MCUB: variants seen among roughly 807,000 people sequenced by gnomAD.
MCUB encodes the protein calcium uniporter regulatory subunit MCUb, mitochondrial.
In MCUB, 46 loss-of-function variants were observed where a neutral mutation model predicts 41.4. The observed-to-expected ratio is 1.11, with a 90% CI of 0.88 to 1.42. The LOEUF is 1.42. Ranked by LOEUF, MCUB falls within the 40% of genes most tolerant of loss-of-function variation. The pLI, the probability that MCUB is intolerant of heterozygous loss-of-function variation, is 0.00. For missense variants in MCUB, 403 were observed against 404.9 expected, an observed-to-expected ratio of 1.00 and a Z score of 0.04; for synonymous variants, 148 against 148.2, an observed-to-expected ratio of 1.00 and a Z score of 0.01.
chr4:109,609,995 T>C (rs1454860272), intron 1 of MCUB, among the ~76,000 whole-genome samples: 3 of 152,114 alleles, frequency 2.0e-5, no homozygotes. Flanking sequence ...CAAGACAAAG[T>C]TCCTCCTAAT....
intron 1 of MCUB, among the ~76,000 whole-genome samples, chr4:109,562,727 A>G (rs1043735492): frequency 2.6e-5 from 4 of 152,238 alleles, no homozygotes; most frequent in East Asian, 1.9e-4. Context: ...CAGTATTTCA[A>G]ATAAGCGTTC....
At chr4:109,603,345 C>A (rs1474583001) in intron 1 of MCUB, among the ~76,000 whole-genome samples, 1 of 152,228 alleles carries the variant, frequency 6.6e-6, no homozygotes, top group African/African-American at 2.4e-5. Context: ...GATCTGCCTG[C>A]CTCGGCCTCC....
rs758512386 is a variant in MCUB, at chr4:109,685,362, G to C, written c.928G>C (p.Ala310Pro). The change falls in exon 7 of 8, where the codon GCT becomes CCT. Residue 310 changes from alanine to proline, a missense_variant. Ala to Pro is a conservative substitution (Grantham distance 27). Coordinates refer to ENST00000394650, the MANE Select transcript of MCUB (RefSeq NM_017918.5). ...QQYNKLKEDLAKAKESLKQAR... is the reference protein window; with the variant it reads ...QQYNKLKEDLPKAKESLKQAR... The stretch of plus-strand genomic sequence containing the variant: ...ATACAACAAGTTAAAAGAAGACCTT[G>C]CTAAGGTATACTACAAATACATCTT... 3.6e-6 allele frequency: 5 copies of C among 1,397,550 alleles called. No individual in the cohort carries two copies. Among genetic ancestry groups the C allele is most frequent in the African/African-American group, 2.8e-5 (2 of 70,536 alleles). The allele number at this position is 1,397,550 out of a possible 1,614,324, so 86.6% of individuals were successfully genotyped here. A position where few individuals can be genotyped will look rare whatever the true frequency, so the allele number is the denominator to read the frequency against.
chr4:109,603,290 T>C (rs1249603997), intron 1 of MCUB, among the ~76,000 whole-genome samples: 1 of 152,004 alleles, frequency 6.6e-6, no homozygotes, highest in African/African-American at 2.4e-5. Flanking sequence ...GGAGATGGGG[T>C]TTCGCTGTGT....
intron 1 of MCUB, 59 bp from the exon 2 acceptor site, chr4:109,658,952 C>T (rs1366941937): frequency 1.1e-6 from 1 of 913,870 alleles, no homozygotes; most frequent in East Asian, 2.6e-5. Flanking sequence ...AATAAAGACA[C>T]TTATTTCATC....
chr4:109,669,451 T>G (rs1369799230), intron 4 of MCUB, among the ~76,000 whole-genome samples: 1 of 152,150 alleles, frequency 6.6e-6, no homozygotes, highest in Non-Finnish European at 1.5e-5. Context: ...ATTATTTTCT[T>G]TATCTTTGAT....
chr4:109,568,758 G>A (rs568636229), intron 1 of MCUB, among the ~76,000 whole-genome samples: 1 of 152,256 alleles, frequency 6.6e-6, no homozygotes, highest in African/African-American at 2.4e-5. Flanking sequence ...TGGATTCTCA[G>A]CAATCTGTGG....
At chr4:109,599,919 C>G (rs572395666) in intron 1 of MCUB, among the ~76,000 whole-genome samples, 16 of 152,316 alleles carry the variant, frequency 1.1e-4, no homozygotes, top group African/African-American at 3.6e-4. Context: ...GTCCGCTCAC[C>G]TCAGCCTCTC....
At chr4:109,598,338 A>G (rs1027129319) in intron 1 of MCUB, among the ~76,000 whole-genome samples, 4 of 152,160 alleles carry the variant, frequency 2.6e-5, no homozygotes, top group Non-Finnish European at 5.9e-5. Flanking sequence ...TCCGTCTGCA[A>G]TCCCGGCACC....
At chr4:109,646,458 C>T (rs1283892097) in intron 1 of MCUB, among the ~76,000 whole-genome samples, 1 of 152,170 alleles carries the variant, frequency 6.6e-6, no homozygotes. Context: ...GGCCGGGTCA[C>T]CACCATCTAT....
At chr4:109,631,673 A>G (rs1209586460) in intron 1 of MCUB, among the ~76,000 whole-genome samples, 1 of 152,224 alleles carries the variant, frequency 6.6e-6, no homozygotes, top group Admixed American at 6.5e-5. Context: ...GGACTCTGTC[A>G]ACATTTCTCC....
chr4:109,565,219 A>G (rs1302493350), intron 1 of MCUB, among the ~76,000 whole-genome samples: 1 of 152,232 alleles, frequency 6.6e-6, no homozygotes, highest in African/African-American at 2.4e-5. Context: ...CATAACATGC[A>G]TGGCATAGGT....
In MCUB at chr4:109,687,652, GTTT is replaced by G. The variant is rs949364629; in HGVS notation, c.*63_*65del. Reference sequence around the variant, plus strand: ...ATGTATTGATTTTGCAACTTAGGATGTTTTTGAGTCCCATGGTTCATTTTGATT... The same window carrying G: ...ATGTATTGATTTTGCAACTTAGGATGTTGAGTCCCATGGTTCATTTTGATT... On this transcript the variant is annotated 3_prime_UTR_variant, in exon 8 of 8. Coordinates refer to ENST00000394650, the MANE Select transcript of MCUB (RefSeq NM_017918.5). 2.0e-6 allele frequency: 2 copies of G among 986,184 alleles called. No homozygotes were observed. Among genetic ancestry groups the G allele is most frequent in the African/African-American group, 3.2e-5 (2 of 61,686 alleles). 61.1% of individuals were successfully genotyped at this position (986,184 alleles called of 1,614,324 possible). A position where few individuals can be genotyped will look rare whatever the true frequency, so the allele number is the denominator to read the frequency against.
chr4:109,580,620 C>T (rs1338914263), intron 1 of MCUB, among the ~76,000 whole-genome samples: 2 of 152,198 alleles, frequency 1.3e-5, no homozygotes, highest in African/African-American at 4.8e-5. Context: ...TTGCATTTCT[C>T]TGATGGCCAG....
chr4:109,646,470 G>A lies in MCUB; in HGVS notation c.100-12541G>A, dbSNP rs147660764. Among the ~76,000 whole-genome samples, 1,026 of 152,202 alleles carry A rather than the reference G, an allele frequency of 6.7e-3. 7 individuals are homozygous for A. Among genetic ancestry groups the A allele is most frequent in the Non-Finnish European group, 9.4e-3 (642 of 68,002 alleles). On this transcript the variant is annotated intron_variant, in intron 1 of 7. Transcript: ENST00000394650. ...CTGGGCCGGGTCACCACCATCTATT[G>A]TACCAGATTCTAAACTGGTTTCCAC...
At chr4:109,586,062 A>G (rs1305068905) in intron 1 of MCUB, among the ~76,000 whole-genome samples, 1 of 152,040 alleles carries the variant, frequency 6.6e-6, no homozygotes, top group African/African-American at 2.4e-5. Flanking sequence ...ACTTGGTTCC[A>G]TTCTCCCTGT....
At chr4:109,625,974 A>T (rs1728351840) in intron 1 of MCUB, among the ~76,000 whole-genome samples, 1 of 152,134 alleles carries the variant, frequency 6.6e-6, no homozygotes, top group Non-Finnish European at 1.5e-5. Context: ...CTCAGTGTTA[A>T]AGCTCAGACA....
intron 4 of MCUB, among the ~76,000 whole-genome samples, chr4:109,671,536 T>C (rs1227510770): frequency 6.6e-6 from 1 of 152,192 alleles, no homozygotes; most frequent in Non-Finnish European, 1.5e-5. Context: ...GCATTCTTCA[T>C]TTCTGTTACA....
chr4:109,571,565 G>A (rs962909195), intron 1 of MCUB, among the ~76,000 whole-genome samples: 3 of 152,080 alleles, frequency 2.0e-5, no homozygotes, highest in East Asian at 1.9e-4. Flanking sequence ...CACCCTCCTC[G>A]GCCTCCCAAA....
Sources: gnomAD v4.1 joint callset for allele counts (sites outside exome capture counted in the v4.1 genomes callset) on GRCh38, gnomAD v4.1.1 for gene constraint, MANE v1.5 for transcripts, NCBI Gene and HGNC (gene_info 2026-07-23, HGNC 2026-07-21) for gene names.